The following AP3B1 variants were observed in gnomAD, a reference collection of about 807,000 sequenced individuals.
The protein encoded by AP3B1 is AP-3 complex subunit beta-1.
A neutral mutation model predicts 132.5 loss-of-function variants in AP3B1; 61 were observed. The observed-to-expected ratio is 0.46, with a 90% CI of 0.37 to 0.57. The LOEUF (loss-of-function observed/expected upper bound fraction) is 0.57, where lower values mean the gene tolerates loss of function less well. Ranked by LOEUF, AP3B1 falls within the 20% of genes least tolerant of loss-of-function variation. The pLI, the probability that AP3B1 is intolerant of heterozygous loss-of-function variation, is 0.00. For missense variants in AP3B1, 1,120 were observed against 1,289.4 expected (o/e 0.87, Z 2.01); for synonymous variants, 388 against 438.3 (o/e 0.89, Z 1.43).
intron 21 of AP3B1, among the ~76,000 whole-genome samples, chr5:78,091,862 A>C (rs1490698456): frequency 1.3e-5 from 2 of 152,170 alleles, no homozygotes; most frequent in Non-Finnish European, 2.9e-5. Context: ...AAGAATTTAC[A>C]ATAGTTTAGG....
chr5:78,158,564 G>T (rs1026338456), intron 13 of AP3B1, among the ~76,000 whole-genome samples: 1 of 151,982 alleles, frequency 6.6e-6, no homozygotes, highest in African/African-American at 2.4e-5. Flanking sequence ...TGTAAAGTAG[G>T]TACCTTATTA....
intron 8 of AP3B1, among the ~76,000 whole-genome samples, chr5:78,179,095 C>T (rs886816793): frequency 3.9e-5 from 6 of 152,052 alleles, no homozygotes; most frequent in Non-Finnish European, 8.8e-5. Flanking sequence ...ATAAACTCTC[C>T]TGAATTTTAA....
intron 2 of AP3B1, among the ~76,000 whole-genome samples, chr5:78,261,376 G>C (rs1460694435): frequency 6.6e-6 from 1 of 152,048 alleles, no homozygotes; most frequent in African/African-American, 2.4e-5. Flanking sequence ...ATCTTTCTCT[G>C]TAATTATTTG....
chr5:78,278,895 A>G (rs562092769), intron 1 of AP3B1, among the ~76,000 whole-genome samples: 2 of 152,184 alleles, frequency 1.3e-5, no homozygotes, highest in East Asian at 3.9e-4. Flanking sequence ...TGAGAATCTA[A>G]TGCCTGATCT....
At position 78,166,129 on chromosome 5, in the gene AP3B1, A is replaced by T. The variant is rs879524856; in HGVS notation, c.1168-457T>A. Among the ~76,000 whole-genome samples the T allele has an allele frequency of 1.2e-3, 21 of 17,552 alleles. No homozygotes were observed. In the East Asian group the frequency reaches 0.022, roughly 18 times the overall value. 11.5% of individuals were successfully genotyped at this position (17,552 alleles called of 152,430 possible). On this transcript the variant is annotated intron_variant, in intron 11 of 26. Transcript: ENST00000255194. The stretch of plus-strand genomic sequence containing the variant: ...GACTGAAACTCTGTCACACACACAC[A>T]CACACACACACACACACACACACAC...
intron 17 of AP3B1, among the ~76,000 whole-genome samples, chr5:78,127,302 T>G (rs1187778296): frequency 6.6e-6 from 1 of 152,208 alleles, no homozygotes; most frequent in Non-Finnish European, 1.5e-5. Context: ...TAACTGCTTT[T>G]TTTGTTAACT....
chr5:78,096,215 G>A (rs1399733000), intron 21 of AP3B1, among the ~76,000 whole-genome samples: 3 of 152,246 alleles, frequency 2.0e-5, no homozygotes, highest in African/African-American at 7.2e-5. Flanking sequence ...GTTTCGCTGT[G>A]TTGGCCGGGC....
chr5:78,010,860 T>G (rs990980640), intron 26 of AP3B1, among the ~76,000 whole-genome samples: 7 of 152,040 alleles, frequency 4.6e-5, no homozygotes, highest in Non-Finnish European at 7.4e-5. Context: ...ACCTTCACAA[T>G]GTATATCTCA....
intron 11 of AP3B1, among the ~76,000 whole-genome samples, chr5:78,169,566 T>C (rs1443301044): frequency 6.6e-6 from 1 of 151,928 alleles, no homozygotes; most frequent in Non-Finnish European, 1.5e-5. Context: ...GTAGCTAAGA[T>C]TACAGACATC....
At chr5:78,101,903 A>AT (rs989806939) in intron 20 of AP3B1, among the ~76,000 whole-genome samples, 11 of 152,064 alleles carry the variant, frequency 7.2e-5, no homozygotes, top group Non-Finnish European at 1.5e-4. Context: ...AATCTATACT[A>AT]TTTTTTACAT....
chr5:78,078,279 T>C (rs942845466), intron 22 of AP3B1, among the ~76,000 whole-genome samples: 2 of 152,198 alleles, frequency 1.3e-5, no homozygotes, highest in Admixed American at 1.3e-4. Context: ...ATCATTCCGG[T>C]GCAAATCTCA....
At chr5:78,290,842 G>A (rs1416046794) in intron 1 of AP3B1, among the ~76,000 whole-genome samples, 2 of 152,036 alleles carry the variant, frequency 1.3e-5, no homozygotes, top group Admixed American at 1.3e-4. Flanking sequence ...CCAGCTACTC[G>A]GAAGCCTGAG....
chr5:78,043,770 C>T (rs1206300001), intron 22 of AP3B1: 1 of 386,632 alleles, frequency 2.6e-6, no homozygotes, highest in Non-Finnish European at 5.1e-6. Context: ...CACCAAACTG[C>T]CCAATCATGG....
chr5:78,054,740 C>T (rs555198596), intron 22 of AP3B1, among the ~76,000 whole-genome samples: 3 of 152,160 alleles, frequency 2.0e-5, no homozygotes, highest in Admixed American at 2.0e-4. Flanking sequence ...ACATGGATTC[C>T]CCTTGATGAA....
At chr5:78,276,449 A>G (rs914036852) in intron 1 of AP3B1, among the ~76,000 whole-genome samples, 10 of 152,174 alleles carry the variant, frequency 6.6e-5, no homozygotes, top group Non-Finnish European at 1.5e-4. Flanking sequence ...AAGCAAATTT[A>G]GGCTGGGGGA....
intron 9 of AP3B1, 124 bp from the exon 10 acceptor site, chr5:78,175,962 T>C: frequency 1.2e-6 from 1 of 808,884 alleles, no homozygotes; most frequent in Non-Finnish European, 2.1e-6. Flanking sequence ...AATGTAATAA[T>C]GAAAAGTTTT....
chr5:78,223,399 T>C (rs1019109497), intron 6 of AP3B1, among the ~76,000 whole-genome samples: 1 of 152,140 alleles, frequency 6.6e-6, no homozygotes, highest in Non-Finnish European at 1.5e-5. Context: ...AGAATCTACC[T>C]ATGAACACTG....
At chr5:78,003,261 A>G (rs1296075179) in intron 26 of AP3B1, among the ~76,000 whole-genome samples, 1 of 152,252 alleles carries the variant, frequency 6.6e-6, no homozygotes, top group Non-Finnish European at 1.5e-5. Flanking sequence ...AGGTAATTTT[A>G]GTGCACATTT....
chr5:78,216,297 TACTC>T, intron 6 of AP3B1, 60 bp from the exon 7 acceptor site: 1 of 1,476,304 alleles, frequency 6.8e-7, no homozygotes, highest in Admixed American at 1.9e-5. Flanking sequence ...TCAAAGGTCT[TACTC>T]AGGCATTATA....
Sources: allele counts gnomAD v4.1 joint callset (sites outside exome capture counted in the v4.1 genomes callset), GRCh38; gene constraint gnomAD v4.1.1; transcripts MANE v1.5; gene names NCBI Gene and HGNC (gene_info 2026-07-23, HGNC 2026-07-21).